The following CLNS1A variants were observed in gnomAD, a reference collection of about 807,000 sequenced individuals.
The protein encoded by CLNS1A is chloride nucleotide-sensitive channel 1A.
In CLNS1A, 16 loss-of-function variants were observed where a neutral mutation model predicts 29.4. The ratio of observed to expected loss-of-function variants is 0.54; its 90% CI spans 0.37 to 0.83. The LOEUF (loss-of-function observed/expected upper bound fraction) is 0.83, where lower values mean the gene tolerates loss of function less well. Among genes scored for constraint, CLNS1A ranks in the 40% least tolerant of loss-of-function variants. The pLI is 0.00. For synonymous variants in CLNS1A, 96 were observed against 104.8 expected, an observed-to-expected ratio of 0.92 and a Z score of 0.51; for missense variants, 235 against 287.4, an observed-to-expected ratio of 0.82 and a Z score of 1.32.
At chr11:77,634,612 T>C (rs1959105166) in intron 1 of CLNS1A, among the ~76,000 whole-genome samples, 2 of 149,968 alleles carry the variant, frequency 1.3e-5, no homozygotes, top group South Asian at 4.2e-4. Context: ...TAGTCCCAGC[T>C]ACTCAGGAGG....
At chr11:77,627,142 A>G (rs1406816648) in intron 2 of CLNS1A, among the ~76,000 whole-genome samples, 3 of 151,736 alleles carry the variant, frequency 2.0e-5, no homozygotes, top group African/African-American at 7.3e-5. Flanking sequence ...TAAGATAAAA[A>G]GAACTAAAGG....
At chr11:77,637,139 T>C (rs975868411) in intron 1 of CLNS1A, among the ~76,000 whole-genome samples, 3 of 149,002 alleles carry the variant, frequency 2.0e-5, no homozygotes, top group Non-Finnish European at 4.4e-5. Flanking sequence ...GGGGAACATC[T>C]CCTGCATCTG....
At chr11:77,629,718 A>C (rs748177466) in intron 2 of CLNS1A, 45 bp downstream of exon 2, 5 of 1,588,644 alleles carry the variant, frequency 3.1e-6, no homozygotes, top group Middle Eastern at 2.3e-4. Flanking sequence ...TTAAAATATA[A>C]TTTGCTATCA....
chr11:77,629,732 G>A, intron 2 of CLNS1A, 31 bp downstream of exon 2: 1 of 1,598,804 alleles, frequency 6.3e-7, no homozygotes, highest in Non-Finnish European at 8.5e-7. Context: ...GCTATCAAAG[G>A]AGGCATTAGA....
chr11:77,626,301 T>C (rs533422730), intron 2 of CLNS1A, among the ~76,000 whole-genome samples: 11 of 152,252 alleles, frequency 7.2e-5, no homozygotes, highest in African/African-American at 2.6e-4. Flanking sequence ...CAGGCTGGTC[T>C]GAAACTCCTG....
chr11:77,628,723 T>C (rs1291802554), intron 2 of CLNS1A, among the ~76,000 whole-genome samples: 1 of 152,220 alleles, frequency 6.6e-6, no homozygotes, highest in Non-Finnish European at 1.5e-5. Flanking sequence ...CATAGGATTG[T>C]CTCTTACACA....
At chr11:77,625,451 C>T (rs1015701276) in intron 3 of CLNS1A, 2 of 482,120 alleles carry the variant, frequency 4.1e-6, no homozygotes, top group South Asian at 3.4e-5. Context: ...GTCAACAGCA[C>T]CAATCAGTAA....
intron 1 of CLNS1A, among the ~76,000 whole-genome samples, chr11:77,630,662 A>C (rs1959064677): frequency 6.6e-6 from 1 of 152,198 alleles, no homozygotes; most frequent in Non-Finnish European, 1.5e-5. Context: ...GGTGTAACAA[A>C]GGAAACACAT....
Position 77,625,563 on chromosome 11 carries a change from AATG to A in CLNS1A, c.364+151_364+153del, listed in dbSNP as rs1459126369. ...TGATATTAATAGGTATTTGGTCCTT[AATG>A]ATATTACCAATGCTAAAATAAAGAA... On this transcript the variant is annotated intron_variant, in intron 3 of 6. Coordinates refer to ENST00000525428, the MANE Select transcript of CLNS1A (RefSeq NM_001293.3). The A allele has an allele frequency of 3.9e-5, 24 of 619,570 alleles. 1 individual carries two copies. In the South Asian group the frequency reaches 5.8e-4, roughly 15 times the overall value. 38.4% of individuals were successfully genotyped at this position (619,570 alleles called of 1,614,324 possible).
intron 6 of CLNS1A, among the ~76,000 whole-genome samples, chr11:77,616,952 C>A (rs1460411277): frequency 6.6e-6 from 1 of 152,184 alleles, no homozygotes; most frequent in Non-Finnish European, 1.5e-5. Context: ...CCGTCTCCAC[C>A]CCACCTCATG....
chr11:77,633,983 C>G (rs528965460), intron 1 of CLNS1A, among the ~76,000 whole-genome samples: 1 of 152,198 alleles, frequency 6.6e-6, no homozygotes, highest in African/African-American at 2.4e-5. Context: ...GCCTGTTAAT[C>G]CCAGCTACTC....
chr11:77,625,495 G>C, intron 3 of CLNS1A: 2 of 503,780 alleles, frequency 4.0e-6, no homozygotes, highest in East Asian at 6.4e-5. Context: ...AATATACCCA[G>C]ATGACAGAGT....
rs1476439876 is a variant in CLNS1A, at chr11:77,632,114, G to A, written c.126-2215C>T. On this transcript the variant is annotated intron_variant, in intron 1 of 6. Transcript: ENST00000525428. Reference sequence around the variant, plus strand: ...TTTCCAGAACAACTCATTCCTACTGGTTCCAAAGAAACATTGTATTATGTA... The same window carrying A: ...TTTCCAGAACAACTCATTCCTACTGATTCCAAAGAAACATTGTATTATGTA... Among the ~76,000 whole-genome samples the A allele has an allele frequency of 2.0e-5, 3 of 152,260 alleles. No individual in the cohort carries two copies. In the East Asian group the frequency reaches 5.8e-4, roughly 29 times the overall value.
intron 6 of CLNS1A, 76 bp from the exon 7 acceptor site, chr11:77,616,771 G>A (rs987431384): frequency 7.2e-5 from 11 of 152,176 alleles, no homozygotes; most frequent in African/African-American, 9.7e-5. Flanking sequence ...GCCTAGTCAC[G>A]AGTGCCAGAG....
Position 77,622,675 on chromosome 11 carries a change from T to C in CLNS1A, c.473-2A>G. On this transcript the variant is annotated splice_acceptor_variant, in intron 4 of 6. Transcript: ENST00000525428. LOFTEE classifies it high-confidence loss of function. Reference sequence around the variant, plus strand: ...TAGGGATGTCCCCCTGTCCTTGTTCTAAACAAACAGAAAACTTTAAAGTTT... The same window carrying C: ...TAGGGATGTCCCCCTGTCCTTGTTCCAAACAAACAGAAAACTTTAAAGTTT... 6.4e-7 allele frequency: 1 copy of C among 1,565,740 alleles called. No individual in the cohort carries two copies. Among genetic ancestry groups the C allele is most frequent in the Non-Finnish European group, 8.6e-7 (1 of 1,162,744 alleles).
chr11:77,637,792 G>C lies in CLNS1A; in HGVS notation c.-78C>G. 6.9e-7 allele frequency: 1 copy of C among 1,452,258 alleles called. No homozygotes were observed. The highest frequency in any genetic ancestry group is 1.4e-5 in the African/African-American group (1 of 70,596). The allele number at this position is 1,452,258 out of a possible 1,614,324, so 90.0% of individuals were successfully genotyped here. A position where few individuals can be genotyped will look rare whatever the true frequency, so the allele number is the denominator to read the frequency against. ...GTGCACCACACCGCCCGCCCTGGAA[G>C]AGGCAGTCACCCCGGAAGAACAACT... On this transcript the variant is annotated 5_prime_UTR_variant, in exon 1 of 7. Coordinates refer to ENST00000525428, the MANE Select transcript of CLNS1A (RefSeq NM_001293.3).
intron 3 of CLNS1A, 56 bp downstream of exon 3, chr11:77,625,661 C>A: frequency 1.4e-6 from 2 of 1,469,026 alleles, no homozygotes; most frequent in South Asian, 1.3e-5. Flanking sequence ...GTGTGTGTGT[C>A]AATTGGGAAT....
chr11:77,622,110 T>G (rs917415638), intron 5 of CLNS1A: 28 of 456,068 alleles, frequency 6.1e-5, no homozygotes, highest in Non-Finnish European at 1.0e-4. Flanking sequence ...CCTCCAAAAC[T>G]ATGAGACAAT....
chr11:77,635,085 G>A (rs138482791), intron 1 of CLNS1A, among the ~76,000 whole-genome samples: 378 of 152,312 alleles, frequency 2.5e-3, no homozygotes, highest in African/African-American at 8.5e-3. Context: ...GATTACAGGC[G>A]TAAGCCACCT....
Sources: allele counts gnomAD v4.1 joint callset (sites outside exome capture counted in the v4.1 genomes callset), GRCh38; gene constraint gnomAD v4.1.1; transcripts MANE v1.5; gene names NCBI Gene and HGNC (gene_info 2026-07-23, HGNC 2026-07-21).